Variants in TPST1 observed in about 807,000 individuals in gnomAD.
The protein encoded by TPST1 is protein-tyrosine sulfotransferase 1.
A neutral mutation model predicts 34.8 loss-of-function variants in TPST1; 20 were observed. The ratio of observed to expected loss-of-function variants is 0.57; its 90% CI spans 0.40 to 0.84. TPST1 has a LOEUF of 0.84. TPST1 is among the 40% of genes least tolerant of loss of function. The pLI, the probability that TPST1 is intolerant of heterozygous loss-of-function variation, is 0.00. For missense variants in TPST1, 353 were observed against 455.5 expected, an observed-to-expected ratio of 0.78 and a Z score of 2.05; for synonymous variants, 152 against 159.4, an observed-to-expected ratio of 0.95 and a Z score of 0.35.
intron 1 of TPST1, among the ~76,000 whole-genome samples, chr7:66,239,840 C>T (rs1789989586): frequency 6.6e-6 from 1 of 152,094 alleles, no homozygotes; most frequent in African/African-American, 2.4e-5. Context: ...ACTGTATATA[C>T]TGAGTAAAAC....
At chr7:66,335,635 C>T (rs1009601460) in intron 3 of TPST1, among the ~76,000 whole-genome samples, 5 of 151,970 alleles carry the variant, frequency 3.3e-5, no homozygotes, top group African/African-American at 7.3e-5. Flanking sequence ...AGTTTTAGTG[C>T]AGTGTTTTGA....
chr7:66,248,802 C>T (rs1444700719), intron 2 of TPST1, among the ~76,000 whole-genome samples: 1 of 152,088 alleles, frequency 6.6e-6, no homozygotes, highest in African/African-American at 2.4e-5. Context: ...CGTGAGCCAC[C>T]GTGCCTGGCT....
chr7:66,314,907 T>G (rs1791603065), intron 3 of TPST1, among the ~76,000 whole-genome samples: 1 of 152,250 alleles, frequency 6.6e-6, no homozygotes, highest in Admixed American at 6.5e-5. Flanking sequence ...TGTCATTATG[T>G]GGCACATGGC....
chr7:66,335,121 T>C (rs1792070837), intron 3 of TPST1, among the ~76,000 whole-genome samples: 1 of 152,128 alleles, frequency 6.6e-6, no homozygotes, highest in Non-Finnish European at 1.5e-5. Context: ...TCCACAAAAC[T>C]TAGTGCTCAC....
intron 1 of TPST1, among the ~76,000 whole-genome samples, chr7:66,222,850 C>T (rs1462534877): frequency 6.6e-6 from 1 of 152,170 alleles, no homozygotes; most frequent in Admixed American, 6.5e-5. Context: ...GTGATTGCCC[C>T]AGCAGTGCTG....
chr7:66,315,200 A>AATC (rs1159975738), intron 3 of TPST1, among the ~76,000 whole-genome samples: 4 of 152,246 alleles, frequency 2.6e-5, no homozygotes, highest in Admixed American at 2.6e-4. Flanking sequence ...ACAGTAAGGG[A>AATC]ATCAACAAGG....
At chr7:66,331,206 G>A (rs953511241) in intron 3 of TPST1, among the ~76,000 whole-genome samples, 1 of 152,208 alleles carries the variant, frequency 6.6e-6, no homozygotes, top group African/African-American at 2.4e-5. Context: ...CCAAGCAAGA[G>A]AGCAAGATAG....
chr7:66,236,227 A>G (rs1032736472), intron 1 of TPST1, among the ~76,000 whole-genome samples: 3 of 152,130 alleles, frequency 2.0e-5, no homozygotes, highest in Non-Finnish European at 2.9e-5. Flanking sequence ...GTGTAATTCA[A>G]TAATTTTTTA....
At chr7:66,278,219 G>A (rs1435625475) in intron 2 of TPST1, among the ~76,000 whole-genome samples, 1 of 151,224 alleles carries the variant, frequency 6.6e-6, no homozygotes, top group African/African-American at 2.4e-5. Flanking sequence ...TATATTTTGA[G>A]GTATAGTTGA....
chr7:66,269,548 G>C (rs1001157384), intron 2 of TPST1, among the ~76,000 whole-genome samples: 4 of 152,158 alleles, frequency 2.6e-5, no homozygotes, highest in Non-Finnish European at 4.4e-5. Context: ...CAATTCAGTT[G>C]TCATTCATAA....
intron 3 of TPST1, among the ~76,000 whole-genome samples, chr7:66,293,300 A>G (rs1346143106): frequency 1.3e-5 from 2 of 152,064 alleles, no homozygotes; most frequent in Non-Finnish European, 2.9e-5. Flanking sequence ...CCAGGATTTC[A>G]AGACTAGCCT....
intron 1 of TPST1, among the ~76,000 whole-genome samples, chr7:66,216,192 T>A (rs1301487614): frequency 6.7e-6 from 1 of 149,116 alleles, no homozygotes; most frequent in Non-Finnish European, 1.5e-5. Context: ...AATTTGTCCA[T>A]TTTATCTAGA....
intron 3 of TPST1, among the ~76,000 whole-genome samples, chr7:66,296,125 AG>A (rs1266764562): frequency 6.6e-6 from 1 of 151,932 alleles, no homozygotes; most frequent in East Asian, 1.9e-4. Flanking sequence ...TGCTTTCTTG[AG>A]TGGTGGGTTG....
chr7:66,276,380 A>G (rs1014226254), intron 2 of TPST1, among the ~76,000 whole-genome samples: 4 of 139,880 alleles, frequency 2.9e-5, no homozygotes, highest in African/African-American at 1.1e-4. Context: ...ATATATATAT[A>G]TGTATTTTTT....
upstream of TPST1, among the ~76,000 whole-genome samples, chr7:66,200,621 C>T (rs1354769848): frequency 2.6e-5 from 4 of 151,970 alleles, no homozygotes; most frequent in South Asian, 8.3e-4. Flanking sequence ...GGGGTTTCAC[C>T]GTGTTAGCCA....
intron 2 of TPST1, among the ~76,000 whole-genome samples, chr7:66,248,988 G>C (rs1470642071): frequency 3.3e-5 from 5 of 151,926 alleles, no homozygotes; most frequent in African/African-American, 9.7e-5. Flanking sequence ...AGGGCCTGCT[G>C]TCTGGTTCAT....
At chr7:66,268,775 G>A (rs973372733) in intron 2 of TPST1, among the ~76,000 whole-genome samples, 2 of 151,492 alleles carry the variant, frequency 1.3e-5, no homozygotes, top group African/African-American at 2.4e-5. Context: ...TGCAACCTCT[G>A]CCTCTCAGGT....
chr7:66,298,251 G>A (rs1161078260), intron 3 of TPST1, among the ~76,000 whole-genome samples: 1 of 152,134 alleles, frequency 6.6e-6, no homozygotes, highest in Non-Finnish European at 1.5e-5. Flanking sequence ...CTTTATTAAT[G>A]TTGGGAAAAT....
intron 1 of TPST1, among the ~76,000 whole-genome samples, chr7:66,209,722 TCTCTA>T (rs1789206170): frequency 6.6e-6 from 1 of 152,212 alleles, no homozygotes; most frequent in Non-Finnish European, 1.5e-5. Context: ...TACATGTCTT[TCTCTA>T]CTCTAAGGGT....
Sources: gnomAD v4.1 joint callset for allele counts (sites outside exome capture counted in the v4.1 genomes callset) on GRCh38, gnomAD v4.1.1 for gene constraint, MANE v1.5 for transcripts, NCBI Gene and HGNC (gene_info 2026-07-23, HGNC 2026-07-21) for gene names.